CLOCK: variants seen among roughly 807,000 people sequenced by gnomAD.
CLOCK encodes the protein circadian locomoter output cycles protein kaput.
Under a neutral mutation model 118.4 loss-of-function variants are expected in CLOCK, and 43 were observed. The ratio of observed to expected loss-of-function variants is 0.36; its 90% confidence interval spans 0.28 to 0.47. The LOEUF (loss-of-function observed/expected upper bound fraction) is 0.47. Among genes scored for constraint, CLOCK ranks in the 20% least tolerant of loss-of-function variants. The pLI is 1.00. For missense variants in CLOCK, 846 were observed against 999.9 expected (o/e 0.85, Z 2.08); for synonymous variants, 326 against 339.2 (o/e 0.96, Z 0.43).
chr4:55,514,533 T>C (rs1209050067), intron 1 of CLOCK, among the ~76,000 whole-genome samples: 1 of 151,110 alleles, frequency 6.6e-6, no homozygotes, highest in East Asian at 2.0e-4. Context: ...GTAGATTTTT[T>C]TAATAGATGT....
Position 55,527,114 on chromosome 4 carries a change from A to G in CLOCK, c.-289-17049T>C, listed in dbSNP as rs190165471. On this transcript the variant is annotated intron_variant, in intron 1 of 22. Transcript: ENST00000513440. ...AAATGCAGAATGTGAAACGTTATAAAGAAAAATTGACCCAGTTACTTCAAC... is the reference window on the plus strand; with the variant it reads ...AAATGCAGAATGTGAAACGTTATAAGGAAAAATTGACCCAGTTACTTCAAC... 1.2e-4 allele frequency among the ~76,000 whole-genome samples: 18 copies of G among 152,324 alleles called. No homozygotes were observed. The East Asian group carries it at 3.5e-3, about 29-fold the overall frequency.
chr4:55,488,725 TACC>T (rs1374809067), intron 3 of CLOCK, among the ~76,000 whole-genome samples: 1 of 152,134 alleles, frequency 6.6e-6, no homozygotes, highest in Non-Finnish European at 1.5e-5. Context: ...CACCAGTCTC[TACC>T]ACATTATCCT....
At chr4:55,524,701 T>C (rs571204361) in intron 1 of CLOCK, among the ~76,000 whole-genome samples, 5 of 152,230 alleles carry the variant, frequency 3.3e-5, no homozygotes, top group African/African-American at 4.8e-5. Context: ...GAAATTTCTA[T>C]TGAATAAAGC....
chr4:55,448,681 G>T (rs1318723573), intron 18 of CLOCK, 98 bp downstream of exon 18: 1 of 818,292 alleles, frequency 1.2e-6, no homozygotes, highest in Non-Finnish European at 2.0e-6. Flanking sequence ...GTGGCTACAG[G>T]TGCTTGCCAG....
At chr4:55,506,522 C>T (rs1728804720) in intron 2 of CLOCK, among the ~76,000 whole-genome samples, 1 of 151,932 alleles carries the variant, frequency 6.6e-6, no homozygotes, top group African/African-American at 2.4e-5. Flanking sequence ...ATAAATCTTC[C>T]TATTCAAGAG....
At position 55,431,558 on chromosome 4, in the gene CLOCK, A is replaced by G. The variant is rs1722502935; in HGVS notation, c.*3857T>C. Reference sequence around the variant, plus strand: ...TCCAATCAGCTTGTCCTGGCTAGAAAGACTCACTCAGCAACATTAATATCC... The same window carrying G: ...TCCAATCAGCTTGTCCTGGCTAGAAGGACTCACTCAGCAACATTAATATCC... On this transcript the variant is annotated 3_prime_UTR_variant, in exon 23 of 23. Coordinates refer to ENST00000513440, the MANE Select transcript of CLOCK (RefSeq NM_004898.4). 2 of 152,088 alleles carry G rather than the reference A, an allele frequency of 1.3e-5. No homozygotes were observed. The highest frequency in any genetic ancestry group is 1.3e-4 in the Admixed American group (2 of 15,266). 9.4% of individuals were successfully genotyped at this position (152,088 alleles called of 1,614,324 possible).
At chr4:55,508,855 G>A (rs1165721004) in intron 2 of CLOCK, among the ~76,000 whole-genome samples, 1 of 152,134 alleles carries the variant, frequency 6.6e-6, no homozygotes, top group Non-Finnish European at 1.5e-5. Flanking sequence ...GCCTCCCAAA[G>A]TGCTGGGGTC....
At chr4:55,525,330 C>T (rs532174980) in intron 1 of CLOCK, among the ~76,000 whole-genome samples, 1 of 152,214 alleles carries the variant, frequency 6.6e-6, no homozygotes, top group Non-Finnish European at 1.5e-5. Context: ...AGAAAAGCAG[C>T]CAGACATGGT....
intron 1 of CLOCK, among the ~76,000 whole-genome samples, chr4:55,532,555 C>T (rs1331933628): frequency 6.6e-6 from 1 of 152,052 alleles, no homozygotes; most frequent in Non-Finnish European, 1.5e-5. Context: ...AAAAAAAAAT[C>T]CCAATTTACT....
chr4:55,513,916 C>T (rs1196570893), intron 1 of CLOCK, among the ~76,000 whole-genome samples: 1 of 151,846 alleles, frequency 6.6e-6, no homozygotes, highest in Non-Finnish European at 1.5e-5. Context: ...TTTTAGAATT[C>T]CACTTGTTCA....
chr4:55,473,605 T>C (rs1319422650), intron 7 of CLOCK, among the ~76,000 whole-genome samples: 1 of 152,224 alleles, frequency 6.6e-6, no homozygotes, highest in Non-Finnish European at 1.5e-5. Flanking sequence ...TATACAGGCA[T>C]ACCTTGTTTT....
At chr4:55,443,434 C>G (rs1352366932) in intron 20 of CLOCK, among the ~76,000 whole-genome samples, 3 of 146,124 alleles carry the variant, frequency 2.1e-5, no homozygotes, top group African/African-American at 7.6e-5. Context: ...AAGGTCACGC[C>G]ATTGCACTCC....
intron 1 of CLOCK, among the ~76,000 whole-genome samples, chr4:55,536,848 C>T (rs1730939073): frequency 6.6e-6 from 1 of 152,110 alleles, no homozygotes; most frequent in Admixed American, 6.6e-5. Flanking sequence ...CAATGCCTGG[C>T]ATTCAATAAA....
rs1288267265 is a variant in CLOCK at position 55,496,257 on chromosome 4, T to C, written c.-135-6792A>G. Among the ~76,000 whole-genome samples the C allele has an allele frequency of 2.1e-5, 3 of 142,008 alleles. No homozygotes were observed. In the Admixed American group the frequency reaches 2.3e-4, roughly 11 times the overall value. The allele number at this position is 142,008 out of a possible 152,430, so 93.2% of individuals were successfully genotyped here. On this transcript the variant is annotated intron_variant, in intron 2 of 22. Transcript: ENST00000513440. Reference sequence around the variant, plus strand: ...CAATATAGCTCTAACTTATTTATGTTGGGTCTTTAAAAAGAAAAAAAAAAC... The same window carrying C: ...CAATATAGCTCTAACTTATTTATGTCGGGTCTTTAAAAAGAAAAAAAAAAC...
At chr4:55,501,888 T>C (rs2109992158) in intron 2 of CLOCK, among the ~76,000 whole-genome samples, 1 of 152,334 alleles carries the variant, frequency 6.6e-6, no homozygotes, top group Admixed American at 6.5e-5. Context: ...TCGGATTATT[T>C]GAAGCAAATC....
rs138957963 is a variant in CLOCK, at chr4:55,444,259, T to C, written c.1693-363A>G. Among the ~76,000 whole-genome samples the C allele has an allele frequency of 4.2e-3, 637 of 152,328 alleles. 16 individuals carry two copies. The highest frequency in any genetic ancestry group is 3.4e-3 in the Middle Eastern group (1 of 294). ...GTCCTGCTGGTTGGTCATATAAGAC[T>C]AATTTGAATCATACATACTGGTATC... On this transcript the variant is annotated intron_variant, in intron 19 of 22. Transcript: ENST00000513440.
chr4:55,541,542 CTTTA>C (rs1472020584), intron 1 of CLOCK, among the ~76,000 whole-genome samples: 8 of 152,136 alleles, frequency 5.3e-5, no homozygotes, highest in African/African-American at 9.7e-5. Context: ...TAAATAAATG[CTTTA>C]TTTGACACAG....
At position 55,462,520 on chromosome 4, in the gene CLOCK, C is replaced by G. The variant is rs548851965; in HGVS notation, c.559+1165G>C. Among the ~76,000 whole-genome samples the G allele has an allele frequency of 3.3e-5, 5 of 152,306 alleles. No homozygotes were observed. In the East Asian group the frequency reaches 9.6e-4, roughly 29 times the overall value. ...TCTCAAACTCGTAGCCTCAAGTGGTCTGCCCACCTCAGCCTCCCAAAGTGC... is the reference window on the plus strand; with the variant it reads ...TCTCAAACTCGTAGCCTCAAGTGGTGTGCCCACCTCAGCCTCCCAAAGTGC... On this transcript the variant is annotated intron_variant, in intron 9 of 22. Coordinates refer to ENST00000513440, the MANE Select transcript of CLOCK (RefSeq NM_004898.4).
rs111450085 is a variant in CLOCK at position 55,502,234 on chromosome 4, A to G, written c.-136+7678T>C. Among the ~76,000 whole-genome samples, 563 of 152,334 alleles carry G rather than the reference A, an allele frequency of 3.7e-3. 2 individuals carry two copies. Among genetic ancestry groups the G allele is most frequent in the Non-Finnish European group, 6.8e-3 (464 of 68,032 alleles). ...GGAGGACTGCTTATAAGCTGAGTGC[A>G]GAATTTTTATTGAAATTCAAAGGAT... On this transcript the variant is annotated intron_variant, in intron 2 of 22. Transcript: ENST00000513440.
Sources: gnomAD v4.1 joint callset for allele counts (sites outside exome capture counted in the v4.1 genomes callset) on GRCh38, gnomAD v4.1.1 for gene constraint, MANE v1.5 for transcripts, NCBI Gene and HGNC (gene_info 2026-07-23, HGNC 2026-07-21) for gene names.